The following DPH6 variants were observed in gnomAD, a reference collection of about 807,000 sequenced individuals.
DPH6 encodes diphthine--ammonia ligase.
In DPH6, 33 loss-of-function variants were observed where a neutral mutation model predicts 38.2. The observed-to-expected ratio is 0.86, with a 90% confidence interval of 0.65 to 1.15. DPH6 has a LOEUF of 1.15. Among genes scored for constraint, DPH6 ranks in the 50% most tolerant of loss-of-function variants. The pLI is 0.00. For synonymous variants in DPH6, 108 were observed against 103.0 expected (o/e 1.05, Z -0.30); for missense variants, 325 against 320.0 (o/e 1.02, Z -0.12).
At chr15:35,178,785 C>G in the DPH6 span, among the ~76,000 whole-genome samples, 2 of 152,090 alleles carry the variant, frequency 1.3e-5, no homozygotes, top group Non-Finnish European at 2.9e-5. Flanking sequence ...TTAGAGGTAT[C>G]AGGGGCCTAC....
chr15:35,432,330 T>C (rs1291910036), intron 5 of DPH6, among the ~76,000 whole-genome samples: 1 of 152,226 alleles, frequency 6.6e-6, no homozygotes, highest in East Asian at 1.9e-4. Flanking sequence ...TAGTGTTTGC[T>C]GCAGTGGGTT....
Position 35,374,399 on chromosome 15 carries a change from T to C in DPH6, c.663-791A>G, listed in dbSNP as rs578020495. 5.3e-5 allele frequency among the ~76,000 whole-genome samples: 8 copies of C among 152,254 alleles called. No individual in the cohort carries two copies. In the East Asian group the frequency reaches 1.4e-3, roughly 26 times the overall value. On this transcript the variant is annotated intron_variant, in intron 7 of 8. Coordinates refer to ENST00000256538, the MANE Select transcript of DPH6 (RefSeq NM_080650.4). ...ATATTAATAGTTAGCATTTTGACCATTGTAGTACAGTAAAATAAATCCTGA... is the reference window on the plus strand; with the variant it reads ...ATATTAATAGTTAGCATTTTGACCACTGTAGTACAGTAAAATAAATCCTGA...
the DPH6 span, among the ~76,000 whole-genome samples, chr15:35,205,419 T>C: frequency 6.6e-6 from 1 of 152,062 alleles, no homozygotes; most frequent in Non-Finnish European, 1.5e-5. Flanking sequence ...GGGATATGTT[T>C]ACATAGGTCT....
At chr15:35,366,106 C>T, downstream of DPH6, 2 of 810,958 alleles carry the variant, frequency 2.5e-6, no homozygotes, top group Non-Finnish European at 1.5e-6. Flanking sequence ...TGTATAGAGG[C>T]AGTGGCAGCA....
intron 3 of DPH6, among the ~76,000 whole-genome samples, chr15:35,305,995 C>T (rs567149595): frequency 6.6e-6 from 1 of 152,204 alleles, no homozygotes; most frequent in South Asian, 2.1e-4. Flanking sequence ...TTTGTTCTTC[C>T]TATGTTCTGA....
chr15:35,484,280 G>T (rs1458108347), intron 3 of DPH6, among the ~76,000 whole-genome samples: 1 of 152,188 alleles, frequency 6.6e-6, no homozygotes, highest in East Asian at 1.9e-4. Flanking sequence ...TGCTGCACAA[G>T]AAACTACGCT....
At chr15:35,226,458 G>A (rs2051482483) in intron 3 of DPH6, among the ~76,000 whole-genome samples, 1 of 152,168 alleles carries the variant, frequency 6.6e-6, no homozygotes, top group Non-Finnish European at 1.5e-5. Context: ...AAAGAAAAGT[G>A]CAGCACAACT....
intron 3 of DPH6, among the ~76,000 whole-genome samples, chr15:35,235,427 A>G (rs1464303144): frequency 6.6e-6 from 1 of 152,200 alleles, no homozygotes; most frequent in Non-Finnish European, 1.5e-5. Context: ...AGTCTCCTCA[A>G]TGTGTGTGCA....
chr15:35,166,377 T>C, the DPH6 span, among the ~76,000 whole-genome samples: 8 of 151,996 alleles, frequency 5.3e-5, no homozygotes, highest in Non-Finnish European at 1.0e-4. Flanking sequence ...GATATAACCA[T>C]TTCTTTGGGT....
chr15:35,217,093 A>G (rs16960641), downstream of DPH6, among the ~76,000 whole-genome samples: 4,127 of 152,322 alleles, frequency 0.027, 182 homozygotes, highest in African/African-American at 0.095. Context: ...AATGTAAGTG[A>G]TAATAATGTT....
chr15:35,501,610 C>T (rs958631165), intron 3 of DPH6, among the ~76,000 whole-genome samples: 1 of 151,964 alleles, frequency 6.6e-6, no homozygotes, highest in Non-Finnish European at 1.5e-5. Flanking sequence ...TTATTTGTTT[C>T]TTTGTTTTTT....
At chr15:35,390,631 C>T (rs2053041332) in intron 6 of DPH6, among the ~76,000 whole-genome samples, 1 of 152,194 alleles carries the variant, frequency 6.6e-6, no homozygotes, top group African/African-American at 2.4e-5. Flanking sequence ...CAGTTGATCA[C>T]ATCGGTTACT....
intron 3 of DPH6, among the ~76,000 whole-genome samples, chr15:35,256,714 C>T (rs34706380): frequency 0.013 from 2,050 of 151,946 alleles, 11 homozygotes; most frequent in Admixed American, 0.02. Context: ...GGTGGGTCCA[C>T]GAGGGATCCA....
rs60056293 is a variant in DPH6 at position 35,542,966 on chromosome 15, A to AT, written c.24-460_24-459insA. Among the ~76,000 whole-genome samples, 54 of 65,794 alleles carry AT rather than the reference A, an allele frequency of 8.2e-4. 1 individual carries two copies. Among genetic ancestry groups the AT allele is most frequent in the African/African-American group, 1.0e-3 (25 of 24,262 alleles). 43.2% of individuals were successfully genotyped at this position (65,794 alleles called of 152,430 possible). On this transcript the variant is annotated intron_variant, in intron 1 of 8. Coordinates refer to ENST00000256538, the MANE Select transcript of DPH6 (RefSeq NM_080650.4). Reference sequence around the variant, plus strand: ...AAGGAATATATATATATATATATATAAAATAATTTCATAGAAATTATTGGG... The same window carrying AT: ...AAGGAATATATATATATATATATATATAAATAATTTCATAGAAATTATTGGG...
At chr15:35,473,984 A>C (rs1027385765) in intron 3 of DPH6, among the ~76,000 whole-genome samples, 1 of 151,468 alleles carries the variant, frequency 6.6e-6, no homozygotes, top group African/African-American at 2.4e-5. Flanking sequence ...GCTTTTGTAG[A>C]CATAAAGTAT....
intron 1 of DPH6, 109 bp downstream of exon 1, chr15:35,546,010 C>T: frequency 9.6e-7 from 1 of 1,036,812 alleles, no homozygotes; most frequent in African/African-American, 1.7e-5. Context: ...GCCGCGGAAC[C>T]CCCAACGCGC....
intron 3 of DPH6, among the ~76,000 whole-genome samples, chr15:35,507,195 AAATAT>A (rs545938952): frequency 9.9e-5 from 15 of 152,248 alleles, no homozygotes; most frequent in Non-Finnish European, 1.5e-4. Context: ...TAACGATGTC[AAATAT>A]AATAAAACAA....
At chr15:35,336,099 T>C (rs1375060525) in intron 3 of DPH6, among the ~76,000 whole-genome samples, 1 of 152,186 alleles carries the variant, frequency 6.6e-6, no homozygotes, top group Admixed American at 6.5e-5. Context: ...TCACTTCCCT[T>C]GCTAGCTGTA....
intron 3 of DPH6, among the ~76,000 whole-genome samples, chr15:35,476,223 A>G (rs2054262575): frequency 6.6e-6 from 1 of 151,862 alleles, no homozygotes; most frequent in South Asian, 2.1e-4. Flanking sequence ...ATTTTAAACA[A>G]GATTCCTAAT....
Sources: allele counts gnomAD v4.1 joint callset (sites outside exome capture counted in the v4.1 genomes callset), GRCh38; gene constraint gnomAD v4.1.1; transcripts MANE v1.5; gene names NCBI Gene and HGNC (gene_info 2026-07-23, HGNC 2026-07-21).